Variants in PHKB observed in about 807,000 individuals in gnomAD.
PHKB encodes phosphorylase b kinase regulatory subunit beta.
Under a neutral mutation model 152.1 loss-of-function variants are expected in PHKB, and 122 were observed. The ratio of observed to expected loss-of-function variants is 0.80; its 90% confidence interval spans 0.69 to 0.93. The LOEUF is 0.93. Ranked by LOEUF, PHKB falls within the 40% of genes least tolerant of loss-of-function variation. The pLI, the probability that PHKB is intolerant of heterozygous loss-of-function variation, is 0.00. For missense variants in PHKB, 1,304 were observed against 1,328.4 expected (o/e 0.98, Z 0.29); for synonymous variants, 436 against 464.9 (o/e 0.94, Z 0.80).
At chr16:47,685,162 T>A (rs575127965) in intron 26 of PHKB, among the ~76,000 whole-genome samples, 1 of 152,178 alleles carries the variant, frequency 6.6e-6, no homozygotes, top group East Asian at 1.9e-4. Context: ...CACAGTGGCT[T>A]ACGCCTGTAA....
chr16:47,536,984 T>C (rs1297380941), intron 6 of PHKB, among the ~76,000 whole-genome samples: 1 of 152,220 alleles, frequency 6.6e-6, no homozygotes, highest in Non-Finnish European at 1.5e-5. Flanking sequence ...TCCAGCCCAA[T>C]TAGAACCCAG....
rs1266887763 is a variant in PHKB, at chr16:47,665,367, C to G, written c.2427+392C>G. 4.0e-5 allele frequency: 9 copies of G among 224,320 alleles called. No homozygotes were observed. The South Asian group carries it at 5.0e-4, about 13-fold the overall frequency. 13.9% of individuals were successfully genotyped at this position (224,320 alleles called of 1,614,324 possible). ...AATCTGTTCTCCCTAGGTTCTAAGA[C>G]TTTTTCAGTAATATAAAAATAGCAG... is the stretch of plus-strand genomic sequence containing the variant. On this transcript the variant is annotated intron_variant, in intron 25 of 30. Coordinates refer to ENST00000323584, the MANE Select transcript of PHKB (RefSeq NM_000293.3).
intron 4 of PHKB, 86 bp from the exon 5 acceptor site, chr16:47,511,579 A>G: frequency 1.0e-6 from 1 of 972,340 alleles, no homozygotes; most frequent in Middle Eastern, 2.1e-4. Context: ...GTTCATTAAA[A>G]AGTTTCATGA....
intron 6 of PHKB, among the ~76,000 whole-genome samples, chr16:47,523,328 A>G (rs2151656779): frequency 6.6e-6 from 1 of 152,288 alleles, no homozygotes; most frequent in Non-Finnish European, 1.5e-5. Context: ...TTTGTTTAGC[A>G]TCTTTCCTGA....
intron 1 of PHKB, among the ~76,000 whole-genome samples, chr16:47,471,875 G>A (rs571107262): frequency 2.2e-4 from 33 of 152,222 alleles, no homozygotes; most frequent in Middle Eastern, 3.4e-3. Context: ...CTAACGTGGT[G>A]AAACCCCCTC....
At chr16:47,696,242 T>G in intron 28 of PHKB, 139 bp from the exon 29 acceptor site, 1 of 697,398 alleles carries the variant, frequency 1.4e-6, no homozygotes, top group Admixed American at 2.1e-5. Context: ...ATATATAAAA[T>G]CCAGTTGTGT....
chr16:47,580,512 CA>C (rs1307783710), intron 8 of PHKB, among the ~76,000 whole-genome samples, 154 bp downstream of exon 8: 1 of 147,952 alleles, frequency 6.8e-6, no homozygotes, highest in Non-Finnish European at 1.5e-5. Flanking sequence ...AATGATTTGC[CA>C]GTTAAATTTT....
chr16:47,496,063 A>G (rs769134883), intron 1 of PHKB, among the ~76,000 whole-genome samples: 8 of 152,048 alleles, frequency 5.3e-5, no homozygotes, highest in Non-Finnish European at 1.2e-4. Flanking sequence ...GATGTTGGAC[A>G]CAGCAATTTT....
At chr16:47,577,117 CT>C (rs1824778799) in intron 7 of PHKB, among the ~76,000 whole-genome samples, 1 of 151,582 alleles carries the variant, frequency 6.6e-6, no homozygotes. Context: ...TCCTACCTTC[CT>C]GTGGGTACTT....
intron 6 of PHKB, among the ~76,000 whole-genome samples, chr16:47,525,540 C>T (rs2151658105): frequency 6.6e-6 from 1 of 152,274 alleles, no homozygotes; most frequent in East Asian, 1.9e-4. Flanking sequence ...CTTTTCTCCC[C>T]TGCCTAAGAA....
intron 25 of PHKB, among the ~76,000 whole-genome samples, chr16:47,667,266 G>A (rs1973555388): frequency 6.6e-6 from 1 of 151,018 alleles, no homozygotes; most frequent in Non-Finnish European, 1.5e-5. Flanking sequence ...CCCTATCTCT[G>A]CAAAAAAAAG....
intron 26 of PHKB, among the ~76,000 whole-genome samples, chr16:47,684,630 A>G (rs1973928086): frequency 5.9e-5 from 9 of 152,088 alleles, no homozygotes; most frequent in Admixed American, 5.9e-4. Context: ...AGCTGGGCGT[A>G]GTAGCGGGCG....
chr16:47,554,167 A>G (rs1456718404), intron 7 of PHKB, among the ~76,000 whole-genome samples: 1 of 152,132 alleles, frequency 6.6e-6, no homozygotes, highest in African/African-American at 2.4e-5. Flanking sequence ...AGTTTTATGT[A>G]TAAGCCCCTG....
chr16:47,538,930 G>A (rs1199496590), intron 6 of PHKB, among the ~76,000 whole-genome samples: 1 of 152,164 alleles, frequency 6.6e-6, no homozygotes, highest in East Asian at 1.9e-4. Flanking sequence ...GTAGGATGAA[G>A]GTGAGACATG....
chr16:47,625,074 A>G (rs1368118959), intron 14 of PHKB, among the ~76,000 whole-genome samples: 3 of 152,106 alleles, frequency 2.0e-5, no homozygotes, highest in Non-Finnish European at 4.4e-5. Flanking sequence ...TGTTTTCTAA[A>G]TAGTCCCCAA....
chr16:47,518,868 C>T (rs552651283), intron 6 of PHKB, among the ~76,000 whole-genome samples: 3 of 151,950 alleles, frequency 2.0e-5, no homozygotes, highest in Non-Finnish European at 4.4e-5. Flanking sequence ...TGCTACGTGG[C>T]GTTCCATGTC....
chr16:47,527,443 G>A (rs1416329777), intron 6 of PHKB, among the ~76,000 whole-genome samples: 1 of 152,080 alleles, frequency 6.6e-6, no homozygotes, highest in East Asian at 1.9e-4. Context: ...AATTTACCAA[G>A]CAGATAAGGA....
intron 6 of PHKB, among the ~76,000 whole-genome samples, chr16:47,520,386 A>G (rs999903640): frequency 2.0e-5 from 3 of 152,232 alleles, no homozygotes; most frequent in African/African-American, 7.2e-5. Flanking sequence ...TACAGTTACT[A>G]TCTTCATTTT....
intron 26 of PHKB, among the ~76,000 whole-genome samples, chr16:47,687,423 T>C (rs533230365): frequency 6.6e-6 from 1 of 152,346 alleles, no homozygotes; most frequent in Admixed American, 6.5e-5. Flanking sequence ...ATGAGGACGA[T>C]GTAAAGAAAG....
Sources: gnomAD v4.1 joint callset for allele counts (sites outside exome capture counted in the v4.1 genomes callset) on GRCh38, gnomAD v4.1.1 for gene constraint, MANE v1.5 for transcripts, NCBI Gene and HGNC (gene_info 2026-07-23, HGNC 2026-07-21) for gene names.